ZNF235: variants seen among roughly 807,000 people sequenced by gnomAD.
ZNF235 encodes the protein zfp-93.
A neutral mutation model predicts 29.4 loss-of-function variants in ZNF235; 25 were observed. The observed-to-expected ratio is 0.85, with a 90% CI of 0.62 to 1.19. ZNF235 has a LOEUF of 1.19. Ranked by LOEUF, ZNF235 falls within the 50% of genes most tolerant of loss-of-function variation. The pLI, the probability that ZNF235 is intolerant of heterozygous loss-of-function variation, is 0.00. For synonymous variants in ZNF235, 300 were observed against 295.3 expected (o/e 1.02, Z -0.16); for missense variants, 788 against 885.0 (o/e 0.89, Z 1.39).
At position 44,287,967 on chromosome 19, in the gene ZNF235, C is replaced by G. The variant is rs1249366186; in HGVS notation, c.1468G>C (p.Glu490Gln). The G allele has an allele frequency of 1.9e-6, 3 of 1,613,970 alleles. No homozygotes were observed. Among genetic ancestry groups the G allele is most frequent in the Non-Finnish European group, 2.5e-6 (3 of 1,180,026 alleles). The change falls in exon 5 of 5, where the codon GAA (glutamate) becomes CAA (glutamine). Residue 490 changes from glutamate (E) to glutamine (Q), a missense_variant. Transcript: ENST00000291182. Reference sequence around the variant, plus strand: ...GAACTAAAACCCTTACCACACTCTTCACATTTATATGGTTTTTCTCCTGTG... The same window carrying G: ...GAACTAAAACCCTTACCACACTCTTGACATTTATATGGTTTTTCTCCTGTG... ...VHTGEKPYKCEECGKGFSSAS... is the reference protein window; with the variant it reads ...VHTGEKPYKCQECGKGFSSAS...
chr19:44,301,471 C>CTTTTTTTTTTTTTTTTTTT (rs199636863), intron 2 of ZNF235, among the ~76,000 whole-genome samples: 1 of 147,184 alleles, frequency 6.8e-6, no homozygotes, highest in Non-Finnish European at 1.5e-5. Flanking sequence ...TGAATAGTCT[C>CTTTTTTTTTTTTTTTTTTT]TTTTTTTTTT....
chr19:44,287,050 A>C lies in ZNF235; in HGVS notation c.*168T>G, dbSNP rs1368979585. 1 of 656,000 alleles carries C rather than the reference A, an allele frequency of 1.5e-6. No individual in the cohort carries two copies. Among genetic ancestry groups the C allele is most frequent in the Non-Finnish European group, 2.4e-6 (1 of 408,514 alleles). 40.6% of individuals were successfully genotyped at this position (656,000 alleles called of 1,614,324 possible). ...CTGTGAAATATGACGTTTGTAAAGA[A>C]TTCATGTCCTAACCAAGTCTAAAAC... On this transcript the variant is annotated 3_prime_UTR_variant, in exon 5 of 5. Coordinates refer to ENST00000291182, the MANE Select transcript of ZNF235 (RefSeq NM_004234.4).
chr19:44,298,816 T>C lies in ZNF235; in HGVS notation c.230A>G (p.Lys77Arg). 2.5e-6 allele frequency: 4 copies of C among 1,612,800 alleles called. No homozygotes were observed. Among genetic ancestry groups the C allele is most frequent in the Non-Finnish European group, 3.4e-6 (4 of 1,178,778 alleles). ...GGCTGCACAGTACTCACCTGAATGC[T>C]TACCTCTTTGGGTTTGAAGCTCCTT... ...WMKELQTQRG[K>R]HSGDRNQNEM... Residue 77 changes from lysine to arginine, a missense_variant, in exon 4 of 5, where the codon AAG becomes AGG. Physicochemically the swap from Lys to Arg is conservative, Grantham distance 26. Transcript: ENST00000291182.
intron 1 of ZNF235, 54 bp from the exon 2 acceptor site, chr19:44,303,506 G>A (rs1568648184): frequency 5.9e-6 from 9 of 1,514,702 alleles, no homozygotes; most frequent in Admixed American, 1.8e-5. Flanking sequence ...TAGTCACCAT[G>A]GCACTTTTAT....
intron 2 of ZNF235, among the ~76,000 whole-genome samples, chr19:44,302,032 A>C (rs376749162): frequency 1.3e-5 from 2 of 152,244 alleles, no homozygotes; most frequent in East Asian, 3.8e-4. Context: ...CTTAACTATA[A>C]TACAAGGTTT....
intron 4 of ZNF235, chr19:44,297,204 C>G (rs1352947212): frequency 1.0e-5 from 2 of 193,530 alleles, no homozygotes; most frequent in African/African-American, 4.7e-5. Context: ...ATTCTGCCCC[C>G]ACTCAGCCCC....
chr19:44,288,382 C>T lies in ZNF235; in HGVS notation c.1053G>A (p.Glu351=). ...AGCTCTGATTAAAGCTCTTACCACA[C>T]TCGTGGCATGTATAGGGTTTCTCCC... The part of the protein sequence containing the change: ...HTGEKPYTCH[E]CGKSFNQSSH... The change falls in exon 5 of 5, where the codon GAG becomes GAA. Residue 351 remains glutamate (E), a synonymous_variant. Coordinates refer to ENST00000291182, the MANE Select transcript of ZNF235 (RefSeq NM_004234.4). 6.2e-7 allele frequency: 1 copy of T among 1,614,164 alleles called. No individual in the cohort carries two copies. Among genetic ancestry groups the T allele is most frequent in the Non-Finnish European group, 8.5e-7 (1 of 1,180,014 alleles).
At chr19:44,290,705 C>G (rs1290725922) in intron 4 of ZNF235, 2 of 166,772 alleles carry the variant, frequency 1.2e-5, no homozygotes, top group African/African-American at 4.8e-5. Flanking sequence ...ATGCTATCTG[C>G]TGATAAGCAT....
chr19:44,304,935 G>A (rs902123071), intron 1 of ZNF235, 36 bp downstream of exon 1: 1 of 985,354 alleles, frequency 1.0e-6, no homozygotes, highest in African/African-American at 1.7e-5. Context: ...GGCAAAGAGG[G>A]CTCGGAGAAG....
rs78592031 is a variant in ZNF235 at position 44,293,702 on chromosome 19, C to T, written c.239-4506G>A. Among the ~76,000 whole-genome samples the T allele has an allele frequency of 4.6e-5, 7 of 151,986 alleles. No individual in the cohort carries two copies. In the East Asian group the frequency reaches 1.2e-3, roughly 25 times the overall value. ...AAAAGTCTCAATACATTTTTAAAAA[C>T]CAAAATCACACCAAGTATCTTCTCA... On this transcript the variant is annotated intron_variant, in intron 4 of 4. Transcript: ENST00000291182.
intron 2 of ZNF235, among the ~76,000 whole-genome samples, chr19:44,302,182 T>A (rs1219124936): frequency 6.6e-6 from 1 of 152,032 alleles, no homozygotes; most frequent in East Asian, 1.9e-4. Flanking sequence ...AGAAAATGAG[T>A]CTAAAACTTT....
At position 44,287,301 on chromosome 19, in the gene ZNF235, T is replaced by G. The variant is rs773860884; in HGVS notation, c.2134A>C (p.Ile712Leu). The G allele has an allele frequency of 1.2e-6, 2 of 1,612,968 alleles. No homozygotes were observed. The highest frequency in any genetic ancestry group is 1.7e-6 in the Non-Finnish European group (2 of 1,179,470). The change falls in exon 5 of 5, where the codon ATA becomes CTA. Residue 712 changes from isoleucine (I) to leucine (L), a missense_variant. Transcript: ENST00000291182. ...AAGCCCTTACAACAGACATCACATA[T>G]GTAAGGCCTCTCTCCAGTGTGGACT... ...QRVHTGERPY[I>L]CDVCCKGFSQ...
At position 44,297,663 on chromosome 19, in the gene ZNF235, A is replaced by AT. The variant is rs1343948624; in HGVS notation, c.238+1144dup. Among the ~76,000 whole-genome samples, 14 of 151,986 alleles carry AT rather than the reference A, an allele frequency of 9.2e-5. No homozygotes were observed. The East Asian group carries it at 2.7e-3, about 30-fold the overall frequency. On this transcript the variant is annotated intron_variant, in intron 4 of 4. Coordinates refer to ENST00000291182, the MANE Select transcript of ZNF235 (RefSeq NM_004234.4). ...TTTTTAGTAGAGACAGGGTTTCTCC[A>AT]TGTTGGTCAGGCTGGTCTCGAACTC...
Position 44,288,090 on chromosome 19 carries a change from G to T in ZNF235, c.1345C>A (p.His449Asn). 1 of 1,614,128 alleles carries T rather than the reference G, an allele frequency of 6.2e-7. No homozygotes were observed. Among genetic ancestry groups the T allele is most frequent in the Non-Finnish European group, 8.5e-7 (1 of 1,180,030 alleles). Reference sequence around the variant, plus strand: ...TTTTCTTCAGTGTGGACTCTCTGATGGGTATGAAGATTTGAGCTACAACTA... The same window carrying T: ...TTTTCTTCAGTGTGGACTCTCTGATTGGTATGAAGATTTGAGCTACAACTA... Reference protein sequence around the residue: ...RFSCSSNLHTHQRVHTEEKPY... With the variant: ...RFSCSSNLHTNQRVHTEEKPY... The change falls in exon 5 of 5, where the codon CAT (histidine) becomes AAT (asparagine). Residue 449 changes from histidine (H) to asparagine (N), a missense_variant. His to Asn is a moderately conservative substitution (Grantham distance 68). Transcript: ENST00000291182.
At chr19:44,294,275 T>C (rs1009295695) in intron 4 of ZNF235, among the ~76,000 whole-genome samples, 5 of 151,956 alleles carry the variant, frequency 3.3e-5, no homozygotes, top group African/African-American at 1.2e-4. Flanking sequence ...TTATGAACAA[T>C]ACACTTGAAA....
At position 44,297,709 on chromosome 19, in the gene ZNF235, C is replaced by T. The variant is rs986264984; in HGVS notation, c.238+1099G>A. Among the ~76,000 whole-genome samples the T allele has an allele frequency of 5.9e-5, 9 of 152,216 alleles. No individual in the cohort carries two copies. In the East Asian group the frequency reaches 1.8e-3, roughly 30 times the overall value. ...AACTCCCGACCTCAGGTGATCCGCCCACCTTGTCCTCCCAAAGTGCTGGGA... is the reference window on the plus strand; with the variant it reads ...AACTCCCGACCTCAGGTGATCCGCCTACCTTGTCCTCCCAAAGTGCTGGGA... On this transcript the variant is annotated intron_variant, in intron 4 of 4. Transcript: ENST00000291182.
At chr19:44,301,510 A>T (rs1474920163) in intron 2 of ZNF235, among the ~76,000 whole-genome samples, 1 of 151,194 alleles carries the variant, frequency 6.6e-6, no homozygotes, top group East Asian at 1.9e-4. Context: ...TCACTCTGTC[A>T]CCCAGGCTGG....
intron 4 of ZNF235, among the ~76,000 whole-genome samples, chr19:44,296,774 T>C (rs1420138909): frequency 1.3e-5 from 2 of 152,036 alleles, no homozygotes; most frequent in African/African-American, 4.8e-5. Context: ...TTAATAAATA[T>C]AAAAATATTA....
intron 4 of ZNF235, among the ~76,000 whole-genome samples, chr19:44,296,891 T>C (rs1007292196): frequency 4.0e-5 from 6 of 151,884 alleles, no homozygotes; most frequent in African/African-American, 1.2e-4. Flanking sequence ...ACAATACACA[T>C]ACAACCAATA....
Sources: gnomAD v4.1 joint callset for allele counts (sites outside exome capture counted in the v4.1 genomes callset) on GRCh38, gnomAD v4.1.1 for gene constraint, MANE v1.5 for transcripts, NCBI Gene and HGNC (gene_info 2026-07-23, HGNC 2026-07-21) for gene names.